Variants in GOLGA8A observed in about 807,000 individuals in gnomAD.
GOLGA8A encodes golgin subfamily A member 8A.
In GOLGA8A, 3 loss-of-function variants were observed where a neutral mutation model predicts 22.1. The ratio of observed to expected loss-of-function variants is 0.14; its 90% CI spans 0.06 to 0.35. The LOEUF (loss-of-function observed/expected upper bound fraction) is 0.35, where lower values mean the gene tolerates loss of function less well. GOLGA8A is among the 10% of genes least tolerant of loss of function. The probability of loss-of-function intolerance (pLI) is 1.00; values close to 1 mark genes in which losing one functional copy is unlikely to be tolerated. For synonymous variants in GOLGA8A, 7 were observed against 91.7 expected (o/e 0.08, Z 5.28); for missense variants, 16 against 233.2 (o/e 0.07, Z 6.07).
At chr15:34,416,122 A>C (rs1290263499) in intron 2 of GOLGA8A, 4 of 151,970 alleles carry the variant, frequency 2.6e-5, no homozygotes, top group African/African-American at 9.7e-5. Flanking sequence ...GGTTAAAGGA[A>C]GTCTCGGAGC....
At chr15:34,433,022 C>G (rs1893325929) in intron 2 of GOLGA8A, among the ~76,000 whole-genome samples, 1 of 149,154 alleles carries the variant, frequency 6.7e-6, no homozygotes, top group South Asian at 2.2e-4. Flanking sequence ...GAAAGACTCT[C>G]AAGCCAGAAG....
intron 2 of GOLGA8A, among the ~76,000 whole-genome samples, chr15:34,425,737 A>G: frequency 6.8e-6 from 1 of 146,736 alleles, no homozygotes; most frequent in African/African-American, 2.5e-5. Context: ...AGAAATCAAC[A>G]AGGAAAAGCT....
chr15:34,428,920 A>C lies in GOLGA8A; in HGVS notation c.-1123+6463T>G, dbSNP rs1430219718. 8.7e-5 allele frequency: 11 copies of C among 127,110 alleles called. 2 individuals carry two copies. The highest frequency in any genetic ancestry group is 1.2e-4 in the Non-Finnish European group (7 of 58,316). The allele number at this position is 127,110 out of a possible 1,614,324, so 7.9% of individuals were successfully genotyped here. On this transcript the variant is annotated intron_variant, in intron 2 of 24. Transcript: ENST00000359187. ...GTTAAAAAAAAAAAAAAAAAAAAAG[A>C]AGGGTAAAATAAAACGTCTGCACTA... is the stretch of plus-strand genomic sequence containing the variant.
At chr15:34,399,055 A>C (rs1463556272) in intron 7 of GOLGA8A, 100 bp downstream of exon 7, 1 of 140,244 alleles carries the variant, frequency 7.1e-6, no homozygotes, top group Non-Finnish European at 1.6e-5. Context: ...AAAAAAAAAC[A>C]CTAAAATTTC....
chr15:34,433,026 C>T (rs1197459598), intron 2 of GOLGA8A, among the ~76,000 whole-genome samples: 1 of 149,130 alleles, frequency 6.7e-6, no homozygotes, highest in Non-Finnish European at 1.5e-5. Context: ...GACTCTCAAG[C>T]CAGAAGACTG....
At chr15:34,436,035 A>G (rs1893492371) in intron 1 of GOLGA8A, among the ~76,000 whole-genome samples, 2 of 148,926 alleles carry the variant, frequency 1.3e-5, no homozygotes, top group African/African-American at 5.0e-5. Context: ...GAATCAGCGC[A>G]GAGTGCAGGG....
chr15:34,434,036 A>G (rs1221703442), intron 2 of GOLGA8A, among the ~76,000 whole-genome samples: 1 of 149,040 alleles, frequency 6.7e-6, no homozygotes, highest in South Asian at 2.2e-4. Context: ...CCGAGGACCA[A>G]GGGATAAGAT....
chr15:34,433,432 C>G (rs1893345766), intron 2 of GOLGA8A, among the ~76,000 whole-genome samples: 1 of 149,342 alleles, frequency 6.7e-6, no homozygotes, highest in African/African-American at 2.5e-5. Context: ...AAAAAGGAAT[C>G]TCAGTGCACA....
At chr15:34,436,636 G>T (rs1893528173) in intron 1 of GOLGA8A, among the ~76,000 whole-genome samples, 1 of 150,050 alleles carries the variant, frequency 6.7e-6, no homozygotes, top group Non-Finnish European at 1.5e-5. Flanking sequence ...AGAAAAGGAA[G>T]TTCGCCCCTA....
rs142807413 is a variant in GOLGA8A, at chr15:34,426,310, C to G, written c.-1123+9073G>C. Among the ~76,000 whole-genome samples, 1,000 of 149,700 alleles carry G rather than the reference C, an allele frequency of 6.7e-3. 67 individuals carry two copies. Among genetic ancestry groups the G allele is most frequent in the African/African-American group, 0.023 (936 of 40,686 alleles). Reference sequence around the variant, plus strand: ...ACACACAGCTGGTGAGCGGATCGAACTGCAAATCTTATTTACAGTAGGATC... The same window carrying G: ...ACACACAGCTGGTGAGCGGATCGAAGTGCAAATCTTATTTACAGTAGGATC... On this transcript the variant is annotated intron_variant, in intron 2 of 24. Transcript: ENST00000359187.
Position 34,426,733 on chromosome 15 carries a change from G to A in GOLGA8A, c.-1123+8650C>T, listed in dbSNP as rs139318740. 6.0e-4 allele frequency among the ~76,000 whole-genome samples: 87 copies of A among 143,826 alleles called. 6 individuals are homozygous for A. Among genetic ancestry groups the A allele is most frequent in the African/African-American group, 2.2e-3 (86 of 39,614 alleles). 94.4% of individuals were successfully genotyped at this position (143,826 alleles called of 152,430 possible). ...CAGAGATACAAGATAATTGCGAGAA[G>A]GCAAAATTTTTTTAAAACAGAGACA... On this transcript the variant is annotated intron_variant, in intron 2 of 24. Transcript: ENST00000359187.
At chr15:34,409,903 TATG>T (rs1892359986) in intron 2 of GOLGA8A, 1 of 558,822 alleles carries the variant, frequency 1.8e-6, no homozygotes, top group African/African-American at 2.3e-5. Context: ...GGAGGACGAC[TATG>T]ATGAGGGCCT....
chr15:34,426,632 C>A (rs868328390), intron 2 of GOLGA8A, among the ~76,000 whole-genome samples: 3 of 144,836 alleles, frequency 2.1e-5, no homozygotes, highest in Non-Finnish European at 4.6e-5. Context: ...ATATGTTAGG[C>A]GCCACCCCCG....
chr15:34,398,382 TAAG>T (rs1891942768), intron 8 of GOLGA8A, among the ~76,000 whole-genome samples: 1 of 128,984 alleles, frequency 7.8e-6, no homozygotes, highest in African/African-American at 3.2e-5. Flanking sequence ...TTTAAGTTAT[TAAG>T]AGGATTGAAA....
intron 2 of GOLGA8A, among the ~76,000 whole-genome samples, chr15:34,423,313 T>TC (rs1448166436): frequency 8.3e-6 from 1 of 120,866 alleles, no homozygotes; most frequent in East Asian, 2.4e-4. Context: ...CACCCACCCA[T>TC]CAGTCCCAAG....
At position 34,423,055 on chromosome 15, in the gene GOLGA8A, T is replaced by A. The variant is rs1892847973; in HGVS notation, c.-1123+12328A>T. ...GGGACCGCAACAGAGAACGGATGCC[T>A]AGCAGATGGGAAGACGACAAACTAA... On this transcript the variant is annotated intron_variant, in intron 2 of 24. Transcript: ENST00000359187. Among the ~76,000 whole-genome samples, 2 of 131,356 alleles carry A rather than the reference T, an allele frequency of 1.5e-5. 1 individual carries two copies. The highest frequency in any genetic ancestry group is 3.4e-5 in the Non-Finnish European group (2 of 59,360). The allele number at this position is 131,356 out of a possible 152,430, so 86.2% of individuals were successfully genotyped here. A position where few individuals can be genotyped will look rare whatever the true frequency, so the allele number is the denominator to read the frequency against.
intron 2 of GOLGA8A, among the ~76,000 whole-genome samples, chr15:34,431,291 TTATATATA>T (rs1228048903): frequency 8.9e-6 from 1 of 112,134 alleles, no homozygotes; most frequent in African/African-American, 3.5e-5. Flanking sequence ...TGAAAAAAAA[TTATATATA>T]TATATATATA....
chr15:34,410,745 T>C (rs1203917392), intron 2 of GOLGA8A, among the ~76,000 whole-genome samples: 1 of 86,488 alleles, frequency 1.2e-5, no homozygotes, highest in Non-Finnish European at 2.6e-5. Flanking sequence ...TTGGTCCAGT[T>C]GGGAGACATG....
chr15:34,431,253 C>A, intron 2 of GOLGA8A, among the ~76,000 whole-genome samples: 1 of 113,662 alleles, frequency 8.8e-6, no homozygotes, highest in Non-Finnish European at 1.9e-5. Flanking sequence ...GCTGGAGAAT[C>A]AATTCCAGGA....
Sources: gnomAD v4.1 joint callset for allele counts (sites outside exome capture counted in the v4.1 genomes callset) on GRCh38, gnomAD v4.1.1 for gene constraint, MANE v1.5 for transcripts, NCBI Gene and HGNC (gene_info 2026-07-23, HGNC 2026-07-21) for gene names.